Variants in NAALADL2 observed in about 807,000 individuals in gnomAD.
NAALADL2 encodes the protein inactive N-acetylated-alpha-linked acidic dipeptidase-like protein 2.
A neutral mutation model predicts 87.2 loss-of-function variants in NAALADL2; 76 were observed. That is an observed-to-expected ratio of 0.87 (90% CI 0.72 to 1.05). The LOEUF (loss-of-function observed/expected upper bound fraction) is 1.05. Ranked by LOEUF, NAALADL2 falls within the 50% of genes least tolerant of loss-of-function variation. The pLI is 0.00. For missense variants in NAALADL2, 1,089 were observed against 945.8 expected, an observed-to-expected ratio of 1.15 and a Z score of -1.99; for synonymous variants, 354 against 331.0, an observed-to-expected ratio of 1.07 and a Z score of -0.75.
intron 3 of NAALADL2, among the ~76,000 whole-genome samples, chr3:174,757,239 G>T (rs1416290741): frequency 6.6e-6 from 1 of 152,190 alleles, no homozygotes; most frequent in East Asian, 1.9e-4. Flanking sequence ...AAGCACGTTT[G>T]TTCTGCATAA....
chr3:175,617,184 C>T (rs563335608), intron 10 of NAALADL2, among the ~76,000 whole-genome samples: 73 of 152,262 alleles, frequency 4.8e-4, no homozygotes, highest in African/African-American at 1.6e-3. Context: ...CACTCACAGT[C>T]ATGCTAAGGG....
intron 1 of NAALADL2, among the ~76,000 whole-genome samples, chr3:174,865,854 T>C (rs1727076883): frequency 6.6e-6 from 1 of 151,984 alleles, no homozygotes; most frequent in Non-Finnish European, 1.5e-5. Context: ...AAATTGTTTC[T>C]ATGTATTTAC....
At chr3:174,458,468 C>G (rs1183576801) in intron 1 of NAALADL2, 1 of 152,164 alleles carries the variant, frequency 6.6e-6, no homozygotes, top group African/African-American at 2.4e-5. Context: ...ATGTTATTTT[C>G]CTTTTCTTTC....
intron 4 of NAALADL2, among the ~76,000 whole-genome samples, chr3:175,323,751 C>T (rs1441183262): frequency 6.6e-6 from 1 of 151,462 alleles, no homozygotes; most frequent in Non-Finnish European, 1.5e-5. Flanking sequence ...GGTGCAGTGG[C>T]TCACGCCTGT....
intron 11 of NAALADL2, among the ~76,000 whole-genome samples, chr3:175,663,120 T>C (rs1732484562): frequency 6.6e-6 from 1 of 151,870 alleles, no homozygotes; most frequent in African/African-American, 2.4e-5. Flanking sequence ...AATTCAGCAG[T>C]GTATACATTA....
chr3:175,264,257 A>T (rs187109578), intron 4 of NAALADL2, among the ~76,000 whole-genome samples: 1 of 151,944 alleles, frequency 6.6e-6, no homozygotes, highest in East Asian at 1.9e-4. Flanking sequence ...GGTTTTCAAA[A>T]TCTCTACATT....
chr3:175,537,966 T>A (rs1025725943), intron 9 of NAALADL2, among the ~76,000 whole-genome samples: 3 of 152,174 alleles, frequency 2.0e-5, no homozygotes, highest in Non-Finnish European at 4.4e-5. Flanking sequence ...TTAACAAATT[T>A]AAACTGGCAA....
intron 5 of NAALADL2, among the ~76,000 whole-genome samples, chr3:175,399,141 C>G (rs756577118): frequency 2.6e-5 from 4 of 151,920 alleles, no homozygotes; most frequent in Non-Finnish European, 5.9e-5. Flanking sequence ...GAGATGTGCT[C>G]TGCTACAAGG....
At chr3:174,610,490 C>G (rs891323063) in intron 2 of NAALADL2, among the ~76,000 whole-genome samples, 4 of 152,052 alleles carry the variant, frequency 2.6e-5, no homozygotes, top group Non-Finnish European at 5.9e-5. Context: ...ACAACCCCAT[C>G]AAAAAGTGGG....
intron 3 of NAALADL2, among the ~76,000 whole-genome samples, chr3:174,838,023 A>T (rs2109404965): frequency 8.4e-6 from 1 of 119,664 alleles, no homozygotes; most frequent in African/African-American, 3.5e-5. Flanking sequence ...CCAAAAAAGA[A>T]AAAAAAAAAA....
At chr3:174,776,863 T>G (rs1715275735) in intron 3 of NAALADL2, among the ~76,000 whole-genome samples, 2 of 152,148 alleles carry the variant, frequency 1.3e-5, no homozygotes, top group Admixed American at 1.3e-4. Flanking sequence ...TACACATATT[T>G]AAAGGCATAA....
chr3:175,603,549 T>C (rs1723247567), intron 10 of NAALADL2, among the ~76,000 whole-genome samples: 1 of 152,186 alleles, frequency 6.6e-6, no homozygotes. Context: ...AGGTACCTCA[T>C]GTAAGTGGAT....
intron 1 of NAALADL2, among the ~76,000 whole-genome samples, chr3:174,448,744 T>C (rs1490707864): frequency 6.6e-6 from 1 of 151,930 alleles, no homozygotes; most frequent in Non-Finnish European, 1.5e-5. Context: ...AAACAGGAAT[T>C]AGGGAGGAGT....
chr3:174,760,473 G>C lies in NAALADL2; in HGVS notation c.-9+22727G>C, dbSNP rs78979415. 1.6e-3 allele frequency among the ~76,000 whole-genome samples: 243 copies of C among 152,310 alleles called. 4 individuals carry two copies. The East Asian group carries it at 0.035, about 22-fold the overall frequency. ...TCATTCAATGGAATACTGCAATAGG[G>C]ACTGTGGACAGTCCAGACAAGTAAG... On this transcript the variant is annotated intron_variant, in intron 3 of 3. Coordinates refer to the NAALADL2 transcript ENST00000434257.
intron 13 of NAALADL2, among the ~76,000 whole-genome samples, chr3:175,772,911 T>TA (rs1749702664): frequency 6.6e-6 from 1 of 152,164 alleles, no homozygotes; most frequent in Non-Finnish European, 1.5e-5. Flanking sequence ...GAATCTAAAA[T>TA]ACATATAAAA....
intron 11 of NAALADL2, among the ~76,000 whole-genome samples, chr3:175,716,673 G>C (rs554334091): frequency 6.6e-6 from 1 of 152,264 alleles, no homozygotes; most frequent in Non-Finnish European, 1.5e-5. Flanking sequence ...CTCAAAGTGA[G>C]AGTGAAGACC....
chr3:174,450,712 C>T (rs1715417988), intron 1 of NAALADL2, among the ~76,000 whole-genome samples: 1 of 151,390 alleles, frequency 6.6e-6, no homozygotes, highest in African/African-American at 2.4e-5. Context: ...TCCACTAAAA[C>T]TACAAAAATT....
At chr3:174,663,579 G>A (rs1725698508) in intron 2 of NAALADL2, among the ~76,000 whole-genome samples, 1 of 152,020 alleles carries the variant, frequency 6.6e-6, no homozygotes, top group Non-Finnish European at 1.5e-5. Context: ...ATCAGATCTT[G>A]AGAGGACTAA....
At chr3:175,166,567 A>ATT (rs35994437) in intron 2 of NAALADL2, among the ~76,000 whole-genome samples, 21 of 149,388 alleles carry the variant, frequency 1.4e-4, no homozygotes, top group South Asian at 4.2e-4. Context: ...AACACCACAC[A>ATT]TTTTTTTTTT....
Sources: allele counts gnomAD v4.1 joint callset (sites outside exome capture counted in the v4.1 genomes callset), GRCh38; gene constraint gnomAD v4.1.1; transcripts MANE v1.5; gene names NCBI Gene and HGNC (gene_info 2026-07-23, HGNC 2026-07-21).